Variants in EZH1 observed in about 807,000 individuals in gnomAD.
EZH1 encodes histone-lysine N-methyltransferase EZH1.
EZH1 carries 33 observed loss-of-function variants against 100.5 expected under a neutral mutation model. That is an observed-to-expected ratio of 0.33 (90% CI 0.25 to 0.44). EZH1 has a LOEUF of 0.44. EZH1 is among the 20% of genes least tolerant of loss of function. The pLI, the probability that EZH1 is intolerant of heterozygous loss-of-function variation, is 1.00. For missense variants in EZH1, 475 were observed against 928.4 expected, an observed-to-expected ratio of 0.51 and a Z score of 6.35; for synonymous variants, 272 against 313.8, an observed-to-expected ratio of 0.87 and a Z score of 1.41.
At chr17:42,743,112 G>A (rs994847651) in intron 1 of EZH1, among the ~76,000 whole-genome samples, 21 of 151,248 alleles carry the variant, frequency 1.4e-4, no homozygotes, top group African/African-American at 4.4e-4. Context: ...CAAGTGATCC[G>A]CCTGCCTTGG....
At chr17:42,733,732 G>C (rs1184546105) in intron 1 of EZH1, among the ~76,000 whole-genome samples, 1 of 150,364 alleles carries the variant, frequency 6.7e-6, no homozygotes, top group Non-Finnish European at 1.5e-5. Context: ...ACGCGGTCAA[G>C]AGATTGAGAC....
chr17:42,734,326 C>T (rs1165113847), intron 1 of EZH1, among the ~76,000 whole-genome samples: 1 of 152,126 alleles, frequency 6.6e-6, no homozygotes, highest in African/African-American at 2.4e-5. Context: ...AGGCATGAGC[C>T]ACCGCGCCTG....
chr17:42,725,117 A>G, intron 4 of EZH1, among the ~76,000 whole-genome samples: 1 of 151,122 alleles, frequency 6.6e-6, no homozygotes, highest in Non-Finnish European at 1.5e-5. Flanking sequence ...CAGTGAGCCA[A>G]GATCACGCCA....
chr17:42,705,238 T>C, intron 16 of EZH1, 55 bp from the exon 17 acceptor site: 1 of 914,662 alleles, frequency 1.1e-6, no homozygotes, highest in Non-Finnish European at 1.8e-6. Context: ...GTAGGGGGTG[T>C]GTGCTGGATG....
In EZH1 at chr17:42,718,575, G is replaced by A. The variant is rs753465877; in HGVS notation, c.810C>T (p.Pro270=). ...LTEMSDPNAL[P]PQCTPNIDGP... ...CATCGATGTTGGGTGTGCACTGAGG[G>A]GGAAGTGCATTGGGGTCTGACATCT... Residue 270 remains proline, a synonymous_variant, in exon 9 of 21, where the codon CCC becomes CCT. Transcript: ENST00000428826. The surrounding 1 kb of genome is among the most constrained non-coding windows in gnomAD (Gnocchi z 4.2). The A allele has an allele frequency of 1.9e-6, 3 of 1,614,164 alleles. No homozygotes were observed. The highest frequency in any genetic ancestry group is 2.5e-6 in the Non-Finnish European group (3 of 1,180,010).
Position 42,701,818 on chromosome 17 carries a change from C to T in EZH1, c.*714G>A, listed in dbSNP as rs1226342260. 2 of 152,396 alleles carry T rather than the reference C, an allele frequency of 1.3e-5. No homozygotes were observed. Among genetic ancestry groups the T allele is most frequent in the African/African-American group, 4.8e-5 (2 of 41,462 alleles). The allele number at this position is 152,396 out of a possible 1,614,324, so 9.4% of individuals were successfully genotyped here. ...CTCCAGAGTACACAGAGAAGGCTTT[C>T]TCAAAGCCTCCTGGGCCCAAGCTTA... On this transcript the variant is annotated 3_prime_UTR_variant, in exon 21 of 21. Transcript: ENST00000428826.
intron 1 of EZH1, among the ~76,000 whole-genome samples, chr17:42,736,053 C>T (rs893527893): frequency 6.6e-6 from 1 of 151,682 alleles, no homozygotes; most frequent in African/African-American, 2.4e-5. Flanking sequence ...AATGAGCACA[C>T]AAAAGGTTGC....
At position 42,702,492 on chromosome 17, in the gene EZH1, A is replaced by G. The variant is rs1437333051; in HGVS notation, c.*40T>C. Reference sequence around the variant, plus strand: ...GTGGTGTGAGCACGAAAGCCAAGACAGTGCCGCTACCATAAGTGCTGCCGT... The same window carrying G: ...GTGGTGTGAGCACGAAAGCCAAGACGGTGCCGCTACCATAAGTGCTGCCGT... On this transcript the variant is annotated 3_prime_UTR_variant, in exon 21 of 21. Coordinates refer to ENST00000428826, the MANE Select transcript of EZH1 (RefSeq NM_001991.5). 1 of 1,512,804 alleles carries G rather than the reference A, an allele frequency of 6.6e-7. No homozygotes were observed. The highest frequency in any genetic ancestry group is 1.2e-5 in the South Asian group (1 of 82,610). 93.7% of individuals were successfully genotyped at this position (1,512,804 alleles called of 1,614,324 possible).
At chr17:42,727,504 A>T (rs574522254) in intron 4 of EZH1, 131 bp downstream of exon 4, 1 of 1,120,880 alleles carries the variant, frequency 8.9e-7, no homozygotes, top group African/African-American at 1.6e-5. Flanking sequence ...CAGCCTCCCA[A>T]ATAGCTGGGA....
chr17:42,730,565 C>T (rs1706397379), intron 2 of EZH1, among the ~76,000 whole-genome samples: 1 of 124,926 alleles, frequency 8.0e-6, no homozygotes, highest in African/African-American at 3.0e-5. Flanking sequence ...GGCGCGATCT[C>T]GGCTCACTGC....
At chr17:42,744,169 C>T (rs532206815) in intron 1 of EZH1, among the ~76,000 whole-genome samples, 5 of 152,170 alleles carry the variant, frequency 3.3e-5, no homozygotes, top group Non-Finnish European at 5.9e-5. Context: ...GCACTAACAT[C>T]CTTCAGGTAT....
intron 15 of EZH1, 77 bp downstream of exon 15, chr17:42,707,881 C>G (rs1278366986): frequency 3.2e-6 from 5 of 1,585,638 alleles, no homozygotes; most frequent in Non-Finnish European, 4.3e-6. Flanking sequence ...CAGTAAAGGG[C>G]ACAGGAATGG....
chr17:42,714,334 A>C, intron 10 of EZH1: 1 of 263,412 alleles, frequency 3.8e-6, no homozygotes. Flanking sequence ...AGGCTTTCCT[A>C]CAATATAGCT....
chr17:42,723,101 G>A (rs1301901775), intron 5 of EZH1, among the ~76,000 whole-genome samples, 186 bp from the exon 6 acceptor site: 3 of 152,230 alleles, frequency 2.0e-5, no homozygotes, highest in Non-Finnish European at 4.4e-5. Context: ...ATGGGGCCAA[G>A]TGTGGTGGCT....
chr17:42,740,897 G>A (rs773745926), intron 1 of EZH1, among the ~76,000 whole-genome samples: 1 of 152,234 alleles, frequency 6.6e-6, no homozygotes, highest in African/African-American at 2.4e-5. Context: ...ACTTTAGGGT[G>A]TAGTGTACTC....
In EZH1 at chr17:42,708,101, G is replaced by A; in HGVS notation, c.1535-18C>T. 1 of 1,587,338 alleles carries A rather than the reference G, an allele frequency of 6.3e-7. No homozygotes were observed. Among genetic ancestry groups the A allele is most frequent in the Non-Finnish European group, 8.6e-7 (1 of 1,167,502 alleles). ...AGAGTTATCTAGGAAAGAAAACAGA[G>A]GAGGATGCTGCTGTGACCATACTCT... is the stretch of plus-strand genomic sequence containing the variant. On this transcript the variant is annotated intron_variant, in intron 14 of 20. Transcript: ENST00000428826.
Position 42,717,978 on chromosome 17 carries a change from G to A in EZH1, c.1021C>T (p.Leu341=). The A allele has an allele frequency of 1.2e-6, 2 of 1,613,932 alleles. No homozygotes were observed. Among genetic ancestry groups the A allele is most frequent in the African/African-American group, 2.7e-5 (2 of 75,032 alleles). The change falls in exon 10 of 21, where the codon CTG becomes TTG. Residue 341 remains leucine, a splice_region_variant and synonymous_variant. Coordinates refer to ENST00000428826, the MANE Select transcript of EZH1 (RefSeq NM_001991.5). ...GCCAGAACAGCTTAAGAACATACCA[G>A]CAAAAGGAAGCAGTCTGTGCCACAT... ...EPCGTDCFLL[L]EGAKEYAMLH...
Position 42,712,495 on chromosome 17 carries a change from G to C in EZH1, c.1205-10C>G, listed in dbSNP as rs1304498906. 6.2e-7 allele frequency: 1 copy of C among 1,609,096 alleles called. No individual in the cohort carries two copies. The highest frequency in any genetic ancestry group is 8.5e-7 in the Non-Finnish European group (1 of 1,177,910). Reference sequence around the variant, plus strand: ...CAGCGAGAGTTAGCCTCTGAGAAGGGAAGAAATAACAGAATCAGAAGAAGG... The same window carrying C: ...CAGCGAGAGTTAGCCTCTGAGAAGGCAAGAAATAACAGAATCAGAAGAAGG... On this transcript the variant is annotated splice_polypyrimidine_tract_variant and intron_variant, in intron 11 of 20. Transcript: ENST00000428826.
intron 16 of EZH1, among the ~76,000 whole-genome samples, chr17:42,705,421 T>C (rs2053332798): frequency 6.6e-6 from 1 of 152,190 alleles, no homozygotes; most frequent in Non-Finnish European, 1.5e-5. Context: ...TCCTGGGCCT[T>C]AGTCTATAGG....
Sources: allele counts gnomAD v4.1 joint callset (sites outside exome capture counted in the v4.1 genomes callset), GRCh38; gene constraint gnomAD v4.1.1; non-coding constraint Gnocchi (gnomAD v3.1); transcripts MANE v1.5; gene names NCBI Gene and HGNC (gene_info 2026-07-23, HGNC 2026-07-21).